The following SNU13 variants were observed in gnomAD, a reference collection of about 807,000 sequenced individuals.
SNU13 encodes small nuclear ribonucleoprotein 13.
Under a neutral mutation model 12.4 loss-of-function variants are expected in SNU13, and 2 were observed. The observed-to-expected ratio is 0.16, with a 90% CI of 0.07 to 0.51. SNU13 has a LOEUF of 0.51. Ranked by LOEUF, SNU13 falls within the 20% of genes least tolerant of loss-of-function variation. The pLI is 0.96. For missense variants in SNU13, 66 were observed against 157.8 expected (o/e 0.42, Z 3.12); for synonymous variants, 68 against 66.5 (o/e 1.02, Z -0.11).
At chr22:41,690,104 G>A (rs2068348207), upstream of SNU13, among the ~76,000 whole-genome samples, 1 of 152,130 alleles carries the variant, frequency 6.6e-6, no homozygotes, top group Non-Finnish European at 1.5e-5. Context: ...AGAGTCTTCA[G>A]GGTAACATTT....
intron 2 of SNU13, 75 bp downstream of exon 2, chr22:41,680,169 G>A (rs2147135778): frequency 2.0e-6 from 3 of 1,487,186 alleles, no homozygotes; most frequent in Non-Finnish European, 2.7e-6. Flanking sequence ...CTCCCAAACT[G>A]GAAATCAGAT....
intron 1 of SNU13, among the ~76,000 whole-genome samples, chr22:41,685,753 G>T (rs1352247118): frequency 6.6e-6 from 1 of 151,668 alleles, no homozygotes; most frequent in Non-Finnish European, 1.5e-5. Flanking sequence ...ATCACTTGAG[G>T]TCAGGAGTTG....
At chr22:41,685,926 C>T (rs1427420189) in intron 1 of SNU13, among the ~76,000 whole-genome samples, 1 of 151,088 alleles carries the variant, frequency 6.6e-6, no homozygotes, top group Non-Finnish European at 1.5e-5. Flanking sequence ...CAAGATCGTG[C>T]CACTGCACAC....
upstream of SNU13, among the ~76,000 whole-genome samples, chr22:41,689,861 C>G (rs2147145504): frequency 6.6e-6 from 1 of 151,988 alleles, no homozygotes; most frequent in South Asian, 2.1e-4. Context: ...GCCTGTAATC[C>G]CAGCTACTCG....
At chr22:41,688,750 T>C in intron 1 of SNU13, 44 bp downstream of exon 1, 1 of 1,597,862 alleles carries the variant, frequency 6.3e-7, no homozygotes, top group Non-Finnish European at 8.6e-7. Context: ...AACGCAACCC[T>C]GAGTCTCCCG....
At chr22:41,678,765 T>G (rs2068236088) in intron 2 of SNU13, among the ~76,000 whole-genome samples, 1 of 152,140 alleles carries the variant, frequency 6.6e-6, no homozygotes, top group South Asian at 2.1e-4. Flanking sequence ...TACTGCAGTG[T>G]GACGAGCAGG....
chr22:41,686,380 C>A (rs1156692053), intron 1 of SNU13, among the ~76,000 whole-genome samples: 1 of 151,614 alleles, frequency 6.6e-6, no homozygotes, highest in Non-Finnish European at 1.5e-5. Flanking sequence ...TCTCGGCTCA[C>A]CGAAACCTCT....
chr22:41,687,808 T>C (rs2068324507), intron 1 of SNU13: 1 of 152,232 alleles, frequency 6.6e-6, no homozygotes, highest in East Asian at 1.9e-4. Context: ...ATCCCCATTT[T>C]ACAGTTGAGG....
At chr22:41,689,893 G>T (rs545138711), upstream of SNU13, among the ~76,000 whole-genome samples, 3 of 150,758 alleles carry the variant, frequency 2.0e-5, no homozygotes, top group Non-Finnish European at 4.4e-5. Context: ...CAGGAGAATC[G>T]CTTGAACTTG....
Position 41,680,355 on chromosome 22 carries a change from C to A in SNU13, c.13G>T (p.Asp5Tyr). Residue 5 changes from aspartate to tyrosine, a missense_variant, in exon 2 of 3, where the codon GAT becomes TAT. Transcript: ENST00000401959. ...AGGGGATAGGCCTTTGGATTCACAT[C>A]AGCCTCAGTCTATGGGGGGGACATA... MTEA[D>Y]VNPKAYPLAD... The A allele has an allele frequency of 6.2e-7, 1 of 1,613,400 alleles. No homozygotes were observed. The highest frequency in any genetic ancestry group is 8.5e-7 in the Non-Finnish European group (1 of 1,179,700).
At chr22:41,675,810 G>A (rs1243650272) in intron 2 of SNU13, among the ~76,000 whole-genome samples, 4 of 149,372 alleles carry the variant, frequency 2.7e-5, no homozygotes, top group Non-Finnish European at 5.9e-5. Flanking sequence ...GAGTGCAATG[G>A]CGCAATCTTG....
At chr22:41,681,316 T>G (rs2068261196) in intron 1 of SNU13, 1 of 152,230 alleles carries the variant, frequency 6.6e-6, no homozygotes, top group Non-Finnish European at 1.5e-5. Flanking sequence ...AAATTAAAAT[T>G]TTCCTTGTGG....
intron 1 of SNU13, chr22:41,682,428 TG>T: frequency 6.2e-7 from 1 of 1,612,334 alleles, no homozygotes; most frequent in East Asian, 2.2e-5. Context: ...GACGGTCTGC[TG>T]CCCAGCACCG....
chr22:41,676,187 T>C (rs1429821939), intron 2 of SNU13, among the ~76,000 whole-genome samples: 1 of 152,336 alleles, frequency 6.6e-6, no homozygotes, highest in East Asian at 1.9e-4. Flanking sequence ...GTCAGAGTTT[T>C]ACCATCTCAA....
chr22:41,688,663 G>C, intron 1 of SNU13, 131 bp downstream of exon 1: 1 of 1,301,702 alleles, frequency 7.7e-7, no homozygotes, highest in Non-Finnish European at 1.0e-6. Flanking sequence ...TCTAACTAAG[G>C]GCCCGGCGGT....
chr22:41,687,641 C>T (rs1569112044), intron 1 of SNU13: 1 of 152,214 alleles, frequency 6.6e-6, no homozygotes, highest in African/African-American at 2.4e-5. Flanking sequence ...CCCTACCTAG[C>T]ATGATCAGTT....
chr22:41,676,728 A>G (rs1399193499), intron 2 of SNU13, among the ~76,000 whole-genome samples: 1 of 152,178 alleles, frequency 6.6e-6, no homozygotes, highest in Non-Finnish European at 1.5e-5. Context: ...GGCATTTTCC[A>G]AGGTTTTAAG....
At chr22:41,688,933 G>A (rs1601578910), upstream of SNU13, 2 of 1,424,336 alleles carry the variant, frequency 1.4e-6, no homozygotes, top group African/African-American at 1.4e-5. Context: ...GACGCTACGC[G>A]AGCGAGTGGG....
At position 41,684,236 on chromosome 22, in the gene SNU13, G is replaced by GA. The variant is rs763179263; in HGVS notation, c.4-3873dup. On this transcript the variant is annotated intron_variant, in intron 1 of 2. Transcript: ENST00000401959. ...AGAGGTTTAATAGGCAAAAGAAAGA[G>GA]AAAGAACAGCTCTCTCTGGTGAGAA... Among the ~76,000 whole-genome samples the GA allele has an allele frequency of 1.1e-4, 16 of 152,288 alleles. 1 individual carries two copies. In the East Asian group the frequency reaches 2.1e-3, roughly 20 times the overall value.
Sources: gnomAD v4.1 joint callset for allele counts (sites outside exome capture counted in the v4.1 genomes callset) on GRCh38, gnomAD v4.1.1 for gene constraint, MANE v1.5 for transcripts, NCBI Gene and HGNC (gene_info 2026-07-23, HGNC 2026-07-21) for gene names.